Variants in TF observed in about 807,000 individuals in gnomAD.
The protein encoded by TF is transferrin, also known as serotransferrin.
A neutral mutation model predicts 82.4 loss-of-function variants in TF; 55 were observed. The ratio of observed to expected loss-of-function variants is 0.67; its 90% confidence interval spans 0.54 to 0.84. The LOEUF is 0.84. TF is among the 40% of genes least tolerant of loss of function. The pLI, the probability that TF is intolerant of heterozygous loss-of-function variation, is 0.00. For missense variants in TF, 737 were observed against 868.4 expected, an observed-to-expected ratio of 0.85 and a Z score of 1.90; for synonymous variants, 332 against 332.6, an observed-to-expected ratio of 1.00 and a Z score of 0.02.
In TF at chr3:133,753,832, G is replaced by GAGGGGCCCTGT; in HGVS notation, c.325+130_325+140dup. On this transcript the variant is annotated intron_variant, in intron 3 of 16. Transcript: ENST00000402696. ...CATCTTTGGAGAGTGAGTAGAGAATGAGGGGCCCTGTCAGCTGCCACAGCC... is the reference window on the plus strand; with the variant it reads ...CATCTTTGGAGAGTGAGTAGAGAATGAGGGGCCCTGTAGGGGCCCTGTCAGCTGCCACAGCC... 6 of 806,130 alleles carry GAGGGGCCCTGT rather than the reference G, an allele frequency of 7.4e-6. No homozygotes were observed. In the South Asian group the frequency reaches 8.7e-5, roughly 12 times the overall value. The allele number at this position is 806,130 out of a possible 1,614,324, so 49.9% of individuals were successfully genotyped here. A position where few individuals can be genotyped will look rare whatever the true frequency, so the allele number is the denominator to read the frequency against.
the TF span, among the ~76,000 whole-genome samples, chr3:133,682,677 C>A: frequency 1.8e-4 from 28 of 152,008 alleles, no homozygotes; most frequent in Admixed American, 1.8e-3. Context: ...TAAAAAGAAA[C>A]GAACAAAGCC....
the TF span, among the ~76,000 whole-genome samples, chr3:133,733,891 A>G: frequency 1.3e-5 from 2 of 151,390 alleles, no homozygotes; most frequent in Admixed American, 6.6e-5. Flanking sequence ...ACATGTATTT[A>G]TTCTATTCTC....
intron 2 of TF, among the ~76,000 whole-genome samples, chr3:133,750,934 G>A (rs1933645437): frequency 6.6e-6 from 1 of 152,152 alleles, no homozygotes; most frequent in African/African-American, 2.4e-5. Context: ...GAAGGTGTTT[G>A]CAGATTAAAC....
At chr3:133,739,879 TTGG>T in the TF span, among the ~76,000 whole-genome samples, 2 of 152,220 alleles carry the variant, frequency 1.3e-5, no homozygotes, top group Non-Finnish European at 2.9e-5. Context: ...TTTTACACTG[TTGG>T]TGGGAGTGTA....
Position 133,791,915 on chromosome 3 carries a change from A to C in TF, c.*13295A>C, listed in dbSNP as rs778799791. 6.6e-6 allele frequency: 1 copy of C among 152,242 alleles called. No individual in the cohort carries two copies. The highest frequency in any genetic ancestry group is 1.5e-5 in the Non-Finnish European group (1 of 68,042). The allele number at this position is 152,242 out of a possible 1,614,324, so 9.4% of individuals were successfully genotyped here. On this transcript the variant is annotated 3_prime_UTR_variant, in exon 17 of 17. Transcript: ENST00000402696. ...AGCTTAAATCAAATATTTTATCAGA[A>C]AAGTAAAAAATGTAATGCCTTCTAT...
At chr3:133,708,088 G>C in the TF span, among the ~76,000 whole-genome samples, 61 of 152,218 alleles carry the variant, frequency 4.0e-4, no homozygotes, top group African/African-American at 1.4e-3. Context: ...TTAAACAAGT[G>C]CATACTCATA....
the TF span, among the ~76,000 whole-genome samples, chr3:133,737,893 A>G: frequency 6.6e-6 from 1 of 152,226 alleles, no homozygotes; most frequent in Non-Finnish European, 1.5e-5. Flanking sequence ...TACAAAGAAG[A>G]GCTGGTACCA....
chr3:133,741,447 G>A (rs963799774), upstream of TF, among the ~76,000 whole-genome samples: 11 of 152,030 alleles, frequency 7.2e-5, no homozygotes, highest in Non-Finnish European at 1.0e-4. Context: ...AGGGCCTCCC[G>A]TAAAAAGGAT....
At chr3:133,760,652 A>G (rs1933970390) in intron 9 of TF, 1 of 152,456 alleles carries the variant, frequency 6.6e-6, no homozygotes. Flanking sequence ...GTACAACCAA[A>G]TGTAAACATA....
In TF at chr3:133,784,065, C is replaced by T. The variant is rs546480054; in HGVS notation, c.*5445C>T. The T allele has an allele frequency of 6.6e-6, 1 of 152,454 alleles. No homozygotes were observed. Among genetic ancestry groups the T allele is most frequent in the Admixed American group, 6.5e-5 (1 of 15,310 alleles). 9.4% of individuals were successfully genotyped at this position (152,454 alleles called of 1,614,324 possible). ...ATGGAGCCGAGCAGATCCGGGTCTT[C>T]GGGTGGCCGCAATGTCCCAAGTGGA... On this transcript the variant is annotated 3_prime_UTR_variant, in exon 17 of 17. Transcript: ENST00000402696.
At chr3:133,712,110 A>G in the TF span, among the ~76,000 whole-genome samples, 2 of 152,154 alleles carry the variant, frequency 1.3e-5, no homozygotes, top group African/African-American at 4.8e-5. Context: ...TTCCCAGAGC[A>G]AAGAGGGAAA....
the TF span, among the ~76,000 whole-genome samples, chr3:133,679,082 A>T: frequency 6.6e-6 from 1 of 152,158 alleles, no homozygotes; most frequent in African/African-American, 2.4e-5. Context: ...CATGTTGGTC[A>T]GGCTGGTCTC....
intron 7 of TF, 80 bp from the exon 8 acceptor site, chr3:133,757,689 G>T (rs145603128): frequency 7.2e-7 from 1 of 1,391,034 alleles, no homozygotes; most frequent in African/African-American, 1.4e-5. Context: ...TTCCTGCAGA[G>T]ATTTCTTTTC....
the TF span, among the ~76,000 whole-genome samples, chr3:133,727,138 T>C: frequency 3.9e-5 from 6 of 152,230 alleles, no homozygotes; most frequent in Non-Finnish European, 8.8e-5. Flanking sequence ...TCTGTTGATT[T>C]GGGGTGGAGA....
chr3:133,748,780 A>T, intron 2 of TF, 196 bp downstream of exon 2: 1 of 698,720 alleles, frequency 1.4e-6, no homozygotes, highest in Non-Finnish European at 2.4e-6. Flanking sequence ...CAAAAAGCAC[A>T]TTAACTTTTG....
In TF at chr3:133,777,043, T is replaced by C; in HGVS notation, c.1873-6T>C. ...GGTCCTCACGGACTTTCTGTTCACT[T>C]GACAGCACCTATTTGGAAGCAACGT... On this transcript the variant is annotated splice_polypyrimidine_tract_variant and splice_region_variant and intron_variant, in intron 15 of 16. Coordinates refer to ENST00000402696, the MANE Select transcript of TF (RefSeq NM_001063.4). 2.5e-6 allele frequency: 4 copies of C among 1,614,140 alleles called. No individual in the cohort carries two copies. The highest frequency in any genetic ancestry group is 3.4e-6 in the Non-Finnish European group (4 of 1,179,978).
chr3:133,770,602 G>A, intron 14 of TF, 30 bp downstream of exon 14: 1 of 1,609,918 alleles, frequency 6.2e-7, no homozygotes, highest in Non-Finnish European at 8.5e-7. Context: ...TGTCCCCCTA[G>A]ATCACTAGAT....
chr3:133,769,659 G>A (rs1041232656), intron 13 of TF, among the ~76,000 whole-genome samples: 1 of 152,160 alleles, frequency 6.6e-6, no homozygotes, highest in Non-Finnish European at 1.5e-5. Flanking sequence ...TAATAGGCAG[G>A]TTCTTTTCCT....
the TF span, among the ~76,000 whole-genome samples, chr3:133,665,531 T>C: frequency 2.2e-4 from 33 of 152,028 alleles, 1 homozygote; most frequent in African/African-American, 6.0e-4. Context: ...AATTAACTTT[T>C]CCCTCACTTT....
Sources: gnomAD v4.1 joint callset for allele counts (sites outside exome capture counted in the v4.1 genomes callset) on GRCh38, gnomAD v4.1.1 for gene constraint, MANE v1.5 for transcripts, NCBI Gene and HGNC (gene_info 2026-07-23, HGNC 2026-07-21) for gene names.